BMPER: variants seen among roughly 807,000 people sequenced by gnomAD.
BMPER encodes BMP binding endothelial regulator.
In BMPER, 45 loss-of-function variants were observed where a neutral mutation model predicts 87.3. That is an observed-to-expected ratio of 0.52 (90% CI 0.41 to 0.66). The LOEUF (loss-of-function observed/expected upper bound fraction) is 0.66. Among genes scored for constraint, BMPER ranks in the 30% least tolerant of loss-of-function variants. The pLI is 0.00. For missense variants in BMPER, 784 were observed against 867.5 expected (o/e 0.90, Z 1.21); for synonymous variants, 326 against 316.2 (o/e 1.03, Z -0.33).
intron 6 of BMPER, among the ~76,000 whole-genome samples, chr7:33,982,484 T>G (rs1785890854): frequency 6.6e-6 from 1 of 152,058 alleles, no homozygotes; most frequent in Non-Finnish European, 1.5e-5. Context: ...ACCATCTTGA[T>G]TTTGAACAGT....
At chr7:34,055,039 A>AG in intron 8 of BMPER, 124 bp from the exon 9 acceptor site, 1 of 1,381,540 alleles carries the variant, frequency 7.2e-7, no homozygotes, top group Non-Finnish European at 1.0e-6. Flanking sequence ...ATTGCAATAA[A>AG]TTAAAATAGG....
intron 11 of BMPER, chr7:34,067,402 C>A (rs1355233772): frequency 2.0e-5 from 3 of 151,990 alleles, no homozygotes; most frequent in Admixed American, 1.3e-4. Flanking sequence ...AGAAAAAAAA[C>A]CATAATGAAA....
At chr7:34,040,430 C>A (rs1237623842) in intron 6 of BMPER, among the ~76,000 whole-genome samples, 1 of 152,104 alleles carries the variant, frequency 6.6e-6, no homozygotes, top group African/African-American at 2.4e-5. Context: ...AGTCCAGAGA[C>A]AATAGCTTAG....
intron 12 of BMPER, among the ~76,000 whole-genome samples, chr7:34,083,651 C>T (rs1789114278): frequency 6.6e-6 from 1 of 152,186 alleles, no homozygotes; most frequent in South Asian, 2.1e-4. Context: ...TGTCAGCCTT[C>T]TCTCCTCTTG....
intron 13 of BMPER, among the ~76,000 whole-genome samples, chr7:34,092,859 A>C (rs543123843): frequency 6.6e-6 from 1 of 152,362 alleles, no homozygotes; most frequent in South Asian, 2.1e-4. Context: ...CTTATGTTTA[A>C]TTTTTCATCT....
At chr7:33,938,187 C>G (rs1052092171) in intron 3 of BMPER, among the ~76,000 whole-genome samples, 7 of 152,180 alleles carry the variant, frequency 4.6e-5, no homozygotes, top group Non-Finnish European at 7.3e-5. Flanking sequence ...AATAGCGCTT[C>G]ACAGTGTGGG....
intron 14 of BMPER, 127 bp from the exon 15 acceptor site, chr7:34,152,965 G>A: frequency 9.2e-7 from 1 of 1,082,714 alleles, no homozygotes; most frequent in South Asian, 1.3e-5. Context: ...TTGTTAAAAT[G>A]CAAATGTGAT....
intron 6 of BMPER, among the ~76,000 whole-genome samples, chr7:33,987,172 A>C (rs75599620): frequency 0.031 from 4,698 of 152,218 alleles, 100 homozygotes; most frequent in Non-Finnish European, 0.047. Flanking sequence ...CTTTTGAATG[A>C]ATTGATTACA....
intron 6 of BMPER, among the ~76,000 whole-genome samples, chr7:34,026,361 C>G (rs556131533): frequency 1.3e-5 from 2 of 152,170 alleles, no homozygotes; most frequent in East Asian, 3.9e-4. Context: ...ATTATTTCCT[C>G]TTCGTGGATC....
chr7:33,936,738 G>A (rs1191382306), intron 2 of BMPER, among the ~76,000 whole-genome samples: 2 of 152,084 alleles, frequency 1.3e-5, no homozygotes, highest in Admixed American at 6.5e-5. Context: ...AAACACTGAC[G>A]TCCATGTCTC....
intron 13 of BMPER, among the ~76,000 whole-genome samples, chr7:34,103,713 G>A (rs887270642): frequency 3.9e-5 from 6 of 152,170 alleles, no homozygotes; most frequent in Non-Finnish European, 5.9e-5. Flanking sequence ...GAAAAAGTAA[G>A]TCTGATTAAA....
chr7:33,977,258 A>G (rs867056681), intron 6 of BMPER, among the ~76,000 whole-genome samples: 3 of 151,174 alleles, frequency 2.0e-5, no homozygotes, highest in Non-Finnish European at 4.4e-5. Flanking sequence ...CATGTTTGCT[A>G]TCTTTTGATG....
At chr7:34,076,054 G>A (rs767887182) in intron 11 of BMPER, among the ~76,000 whole-genome samples, 12 of 152,106 alleles carry the variant, frequency 7.9e-5, no homozygotes, top group East Asian at 3.9e-4. Context: ...AAATCATCCC[G>A]ATTTCCAAAC....
Position 34,155,409 on chromosome 7 carries a change from C to T in BMPER, c.*2136C>T, listed in dbSNP as rs1178797424. The T allele has an allele frequency of 3.3e-5, 5 of 152,018 alleles. No homozygotes were observed. The highest frequency in any genetic ancestry group is 3.3e-4 in the Admixed American group (5 of 15,266). 9.4% of individuals were successfully genotyped at this position (152,018 alleles called of 1,614,324 possible). A position where few individuals can be genotyped will look rare whatever the true frequency, so the allele number is the denominator to read the frequency against. On this transcript the variant is annotated 3_prime_UTR_variant, in exon 15 of 15. Transcript: ENST00000649409. ...TGAGTTATTCTCCCCATGAGGCTAA[C>T]CGGCCTCTTTCCCAACACTTAATCA...
intron 3 of BMPER, among the ~76,000 whole-genome samples, chr7:33,941,071 A>G (rs1490695034): frequency 7.4e-6 from 1 of 134,732 alleles, no homozygotes. Context: ...ATTACATATA[A>G]TTTATATATT....
intron 6 of BMPER, among the ~76,000 whole-genome samples, chr7:34,029,053 G>A (rs79312206): frequency 0.097 from 14,799 of 151,982 alleles, 866 homozygotes; most frequent in African/African-American, 0.17. Flanking sequence ...AAAATGAAAA[G>A]TACATGCTGA....
intron 6 of BMPER, among the ~76,000 whole-genome samples, chr7:34,030,646 G>A (rs913215790): frequency 7.3e-5 from 11 of 150,940 alleles, no homozygotes; most frequent in Non-Finnish European, 1.3e-4. Context: ...TTTTCGAGAT[G>A]GGGTCTTCTC....
intron 13 of BMPER, among the ~76,000 whole-genome samples, chr7:34,106,469 C>A (rs2127984567): frequency 6.6e-6 from 1 of 152,336 alleles, no homozygotes; most frequent in South Asian, 2.1e-4. Flanking sequence ...GCATGGTGCC[C>A]TGCATGTAGA....
At chr7:34,037,194 G>T (rs767451078) in intron 6 of BMPER, among the ~76,000 whole-genome samples, 1 of 152,030 alleles carries the variant, frequency 6.6e-6, no homozygotes, top group Non-Finnish European at 1.5e-5. Context: ...GAGACAAGTT[G>T]TCTCTTAAAA....
Sources: gnomAD v4.1 joint callset for allele counts (sites outside exome capture counted in the v4.1 genomes callset) on GRCh38, gnomAD v4.1.1 for gene constraint, MANE v1.5 for transcripts, NCBI Gene and HGNC (gene_info 2026-07-23, HGNC 2026-07-21) for gene names.